Variants in DIP2C observed in about 807,000 individuals in gnomAD.
DIP2C encodes disco-interacting protein 2 homolog C.
In DIP2C, 33 loss-of-function variants were observed where a neutral mutation model predicts 192.4. The ratio of observed to expected loss-of-function variants is 0.17; its 90% CI spans 0.13 to 0.23. DIP2C has a LOEUF of 0.23. DIP2C is among the 10% of genes least tolerant of loss of function. DIP2C has a pLI of 1.00. For synonymous variants in DIP2C, 979 were observed against 864.1 expected (o/e 1.13, Z -2.33); for missense variants, 1,537 against 2,110.1 (o/e 0.73, Z 5.32).
At chr10:534,827 C>T (rs1312204575) in intron 1 of DIP2C, among the ~76,000 whole-genome samples, 2 of 151,888 alleles carry the variant, frequency 1.3e-5, no homozygotes, top group Non-Finnish European at 2.9e-5. Context: ...CAGGCGCCTG[C>T]CACCGCGCCC....
chr10:464,510 G>A lies in DIP2C; in HGVS notation c.268+7929C>T, dbSNP rs376489197. On this transcript the variant is annotated intron_variant, in intron 3 of 36. Coordinates refer to ENST00000280886, the MANE Select transcript of DIP2C (RefSeq NM_014974.3). ...TCAGGCAACAACAGATGCTGGAGAG[G>A]ATGTGAAGAAACACCACTGAGGGAA... is the stretch of plus-strand genomic sequence containing the variant. Among the ~76,000 whole-genome samples, 232 of 152,188 alleles carry A rather than the reference G, an allele frequency of 1.5e-3. 1 individual carries two copies. The highest frequency in any genetic ancestry group is 5.3e-3 in the African/African-American group (221 of 41,550).
At chr10:494,365 CG>C (rs1462405993) in intron 1 of DIP2C, among the ~76,000 whole-genome samples, 1 of 151,872 alleles carries the variant, frequency 6.6e-6, no homozygotes, top group Admixed American at 6.5e-5. Context: ...ACCTCAGCAC[CG>C]GGGCCAACAG....
chr10:378,291 C>T (rs915471863), intron 17 of DIP2C, among the ~76,000 whole-genome samples: 3 of 152,224 alleles, frequency 2.0e-5, no homozygotes, highest in Admixed American at 6.5e-5. Context: ...CACTAGAGAA[C>T]GTGATTTCCT....
chr10:554,847 AG>A (rs1848758274), intron 1 of DIP2C, among the ~76,000 whole-genome samples: 1 of 150,924 alleles, frequency 6.6e-6, no homozygotes, highest in African/African-American at 2.5e-5. Flanking sequence ...ACAGCCTGGC[AG>A]GAAGCACCAG....
intron 3 of DIP2C, among the ~76,000 whole-genome samples, chr10:466,826 C>T (rs988479234): frequency 2.2e-5 from 3 of 137,408 alleles, no homozygotes; most frequent in Non-Finnish European, 4.8e-5. Flanking sequence ...ATCAAAACCA[C>T]TATGAGATAT....
chr10:599,984 C>T (rs1588562750), intron 1 of DIP2C, among the ~76,000 whole-genome samples: 1 of 152,272 alleles, frequency 6.6e-6, no homozygotes, highest in South Asian at 2.1e-4. Context: ...CTCTCTAGGC[C>T]TTAGCAGGGC....
intron 3 of DIP2C, among the ~76,000 whole-genome samples, chr10:466,028 G>C (rs1031895653): frequency 6.6e-6 from 1 of 151,378 alleles, no homozygotes; most frequent in African/African-American, 2.4e-5. Context: ...CACAGAATTG[G>C]AAAAAACTAC....
At chr10:376,525 C>T (rs1223102508) in intron 17 of DIP2C, among the ~76,000 whole-genome samples, 1 of 149,440 alleles carries the variant, frequency 6.7e-6, no homozygotes, top group Non-Finnish European at 1.5e-5. Context: ...GTCTTCCCTT[C>T]TGAACTGGCA....
intron 1 of DIP2C, among the ~76,000 whole-genome samples, chr10:546,160 T>TA (rs988699785): frequency 5.5e-4 from 83 of 151,822 alleles, no homozygotes; most frequent in African/African-American, 1.8e-3. Flanking sequence ...TGGGTGCCTG[T>TA]AGTCCCAGCT....
At chr10:389,645 T>C (rs1963296722) in intron 13 of DIP2C, among the ~76,000 whole-genome samples, 1 of 151,904 alleles carries the variant, frequency 6.6e-6, no homozygotes, top group African/African-American at 2.4e-5. Context: ...TTTCAGGAGG[T>C]CCTTTGCATT....
intron 3 of DIP2C, among the ~76,000 whole-genome samples, chr10:462,577 C>A (rs1969881775): frequency 6.6e-6 from 1 of 152,172 alleles, no homozygotes. Flanking sequence ...GAATTCACAG[C>A]CAACTCTTAC....
Position 369,506 on chromosome 10 carries a change from C to T in DIP2C, c.2119G>A (p.Val707Met), listed in dbSNP as rs1326148371. The change falls in exon 18 of 37, where the codon GTG (valine) becomes ATG (methionine). Residue 707 changes from valine to methionine, a missense_variant. This residue lies in a region of DIP2C where 677 missense variants were observed against 989.9 expected (regional missense o/e 0.68). Coordinates refer to ENST00000280886, the MANE Select transcript of DIP2C (RefSeq NM_014974.3). ...SVLTVQDVGLVMPGAIMCSVK... is the reference protein window; with the variant it reads ...SVLTVQDVGLMMPGAIMCSVK... ...GACCCACACTCACCTCCAGGCATCACGAGGCCGACATCCTGCACGGTGAGC... is the reference window on the plus strand; with the variant it reads ...GACCCACACTCACCTCCAGGCATCATGAGGCCGACATCCTGCACGGTGAGC... 2.6e-6 allele frequency: 4 copies of T among 1,548,520 alleles called. No individual in the cohort carries two copies. The highest frequency in any genetic ancestry group is 1.9e-5 in the Admixed American group (1 of 53,876).
chr10:422,849 C>T lies in DIP2C; in HGVS notation c.579G>A (p.Ala193=), dbSNP rs758935724. The stretch of plus-strand genomic sequence containing the variant: ...CTATGTGGGTCTGAGCCATGACGTC[C>T]GCCAGCCTGTGGGCAGCCCCGCTGC... ...SGGSGAAHRL[A]DVMAQTHIEN... Residue 193 remains alanine, a synonymous_variant, in exon 5 of 37, where the codon GCG becomes GCA. Coordinates refer to ENST00000280886, the MANE Select transcript of DIP2C (RefSeq NM_014974.3). The T allele has an allele frequency of 2.6e-5, 42 of 1,612,300 alleles. No individual in the cohort carries two copies. The highest frequency in any genetic ancestry group is 5.3e-5 in the African/African-American group (4 of 74,898).
At chr10:605,858 G>C (rs1852421332) in intron 1 of DIP2C, among the ~76,000 whole-genome samples, 1 of 152,208 alleles carries the variant, frequency 6.6e-6, no homozygotes, top group Non-Finnish European at 1.5e-5. Flanking sequence ...AAAAACCAAA[G>C]AAAACCGGGC....
chr10:606,332 C>T (rs1852471552), intron 1 of DIP2C, among the ~76,000 whole-genome samples: 1 of 152,118 alleles, frequency 6.6e-6, no homozygotes, highest in African/African-American at 2.4e-5. Flanking sequence ...GCCACTCGCC[C>T]CGCTGCCGTA....
At chr10:423,896 C>CT (rs1038003370) in intron 4 of DIP2C, among the ~76,000 whole-genome samples, 2 of 152,210 alleles carry the variant, frequency 1.3e-5, no homozygotes, top group African/African-American at 4.8e-5. Context: ...ATCAATTCAC[C>CT]TTTACAGTAT....
intron 14 of DIP2C, among the ~76,000 whole-genome samples, chr10:385,955 G>T (rs951929290): frequency 1.3e-5 from 2 of 152,192 alleles, no homozygotes; most frequent in African/African-American, 4.8e-5. Flanking sequence ...GCTGCTGCCT[G>T]CTCAGAGACC....
intron 31 of DIP2C, among the ~76,000 whole-genome samples, chr10:321,501 C>T (rs576524720): frequency 6.6e-6 from 1 of 150,634 alleles, no homozygotes; most frequent in African/African-American, 2.5e-5. Flanking sequence ...AGGCGTCCCC[C>T]ACCAGAGTGC....
chr10:522,062 A>G (rs1187219009), intron 1 of DIP2C, among the ~76,000 whole-genome samples: 4 of 151,408 alleles, frequency 2.6e-5, no homozygotes, highest in African/African-American at 9.7e-5. Context: ...CCCCACCCTA[A>G]ACAGCCCCTA....
Sources: allele counts gnomAD v4.1 joint callset (sites outside exome capture counted in the v4.1 genomes callset), GRCh38; gene constraint gnomAD v4.1.1; regional missense constraint gnomAD v4.1.1; transcripts MANE v1.5; gene names NCBI Gene and HGNC (gene_info 2026-07-23, HGNC 2026-07-21).